The following CTNNA3 variants were observed in gnomAD, a reference collection of about 807,000 sequenced individuals.
CTNNA3 encodes the protein catenin alpha-3.
CTNNA3 carries 76 observed loss-of-function variants against 95.7 expected under a neutral mutation model. The ratio of observed to expected loss-of-function variants is 0.79; its 90% CI spans 0.66 to 0.96. The LOEUF is 0.96. Among genes scored for constraint, CTNNA3 ranks in the 40% least tolerant of loss-of-function variants. The pLI, the probability that CTNNA3 is intolerant of heterozygous loss-of-function variation, is 0.00. For missense variants in CTNNA3, 1,191 were observed against 1,089.8 expected (o/e 1.09, Z -1.31); for synonymous variants, 431 against 374.4 (o/e 1.15, Z -1.74).
At chr10:66,573,520 T>G (rs1589439141) in intron 10 of CTNNA3, among the ~76,000 whole-genome samples, 1 of 152,334 alleles carries the variant, frequency 6.6e-6, no homozygotes, top group South Asian at 2.1e-4. Flanking sequence ...CACAAAATTT[T>G]ACTGAAGTTC....
chr10:66,637,074 T>C (rs546953373), intron 9 of CTNNA3, among the ~76,000 whole-genome samples: 2 of 152,266 alleles, frequency 1.3e-5, no homozygotes, highest in East Asian at 3.9e-4. Flanking sequence ...GACTGTCATA[T>C]AAAAATGTGT....
At chr10:67,104,713 A>T (rs1858531617) in intron 7 of CTNNA3, among the ~76,000 whole-genome samples, 1 of 152,062 alleles carries the variant, frequency 6.6e-6, no homozygotes, top group African/African-American at 2.4e-5. Flanking sequence ...CCATCACAGG[A>T]TCTGAACATA....
chr10:67,193,609 G>C (rs751150846), intron 6 of CTNNA3, among the ~76,000 whole-genome samples: 2 of 151,918 alleles, frequency 1.3e-5, no homozygotes, highest in Non-Finnish European at 2.9e-5. Flanking sequence ...TTCTGTTACT[G>C]CTCCAGTTTG....
intron 15 of CTNNA3, among the ~76,000 whole-genome samples, chr10:66,018,345 TACTTA>T (rs1463766697): frequency 6.6e-6 from 1 of 152,164 alleles, no homozygotes; most frequent in Non-Finnish European, 1.5e-5. Flanking sequence ...AGCATTGTAC[TACTTA>T]ACTTGTTTTT....
At chr10:66,775,901 A>C (rs967450562) in intron 7 of CTNNA3, among the ~76,000 whole-genome samples, 2 of 152,194 alleles carry the variant, frequency 1.3e-5, no homozygotes, top group African/African-American at 4.8e-5. Flanking sequence ...GGAGTTTCTA[A>C]AGTCATTTCC....
chr10:67,242,174 A>T (rs1865739843), intron 5 of CTNNA3, among the ~76,000 whole-genome samples: 1 of 152,224 alleles, frequency 6.6e-6, no homozygotes, highest in Non-Finnish European at 1.5e-5. Context: ...CAGTTTTAGA[A>T]CAAGGCTGAT....
chr10:67,639,481 A>C (rs1564801384), intron 2 of CTNNA3, among the ~76,000 whole-genome samples: 1 of 152,226 alleles, frequency 6.6e-6, no homozygotes, highest in Non-Finnish European at 1.5e-5. Context: ...ACAGAAAAAG[A>C]GGGAATCCTC....
intron 7 of CTNNA3, among the ~76,000 whole-genome samples, chr10:66,972,093 G>A (rs1382831630): frequency 6.6e-6 from 1 of 151,930 alleles, no homozygotes; most frequent in Non-Finnish European, 1.5e-5. Context: ...TTTAAGCTTT[G>A]TTTAGTGTTG....
At chr10:67,139,613 C>G (rs566533721) in intron 7 of CTNNA3, among the ~76,000 whole-genome samples, 24 of 151,994 alleles carry the variant, frequency 1.6e-4, no homozygotes, top group Admixed American at 1.6e-3. Context: ...GGGTTTCACC[C>G]TGTTAACCTG....
chr10:67,168,762 T>G (rs149314541), intron 7 of CTNNA3, among the ~76,000 whole-genome samples: 5 of 152,152 alleles, frequency 3.3e-5, no homozygotes, highest in African/African-American at 4.8e-5. Context: ...TTCAACATCA[T>G]ATTAGAAGTC....
At chr10:66,519,643 C>T (rs936266084) in intron 11 of CTNNA3, among the ~76,000 whole-genome samples, 8 of 152,110 alleles carry the variant, frequency 5.3e-5, no homozygotes, top group African/African-American at 1.9e-4. Context: ...ACCTGGAAGC[C>T]CCCTTCCCAT....
intron 11 of CTNNA3, among the ~76,000 whole-genome samples, chr10:66,442,004 T>A (rs2093378514): frequency 6.6e-6 from 1 of 152,206 alleles, no homozygotes; most frequent in Admixed American, 6.5e-5. Flanking sequence ...ACTGAAATAG[T>A]ATGTAAAATA....
intron 2 of CTNNA3, among the ~76,000 whole-genome samples, chr10:67,614,148 A>G (rs1243369001): frequency 6.6e-6 from 1 of 151,968 alleles, no homozygotes; most frequent in Non-Finnish European, 1.5e-5. Context: ...CATTTTACAG[A>G]GTGCTGATTG....
chr10:67,262,256 T>G (rs1487571026), intron 5 of CTNNA3, among the ~76,000 whole-genome samples: 1 of 152,158 alleles, frequency 6.6e-6, no homozygotes, highest in Non-Finnish European at 1.5e-5. Flanking sequence ...ATAAGATACA[T>G]CATCCAACCT....
intron 14 of CTNNA3, among the ~76,000 whole-genome samples, chr10:66,078,731 T>C (rs769735697): frequency 1.3e-5 from 2 of 151,946 alleles, no homozygotes; most frequent in African/African-American, 4.8e-5. Context: ...TTTTCTTTGG[T>C]TCCTCGTTCC....
chr10:67,720,226 G>T (rs1166415502), intron 1 of CTNNA3, among the ~76,000 whole-genome samples: 1 of 146,018 alleles, frequency 6.8e-6, no homozygotes, highest in African/African-American at 2.6e-5. Flanking sequence ...ACGTGAAATG[G>T]GTCTCCTGAA....
intron 9 of CTNNA3, among the ~76,000 whole-genome samples, chr10:66,622,227 C>G (rs773882644): frequency 1.3e-5 from 2 of 152,090 alleles, no homozygotes; most frequent in South Asian, 2.1e-4. Flanking sequence ...ATGACTGTAT[C>G]TTTATACATT....
intron 15 of CTNNA3, among the ~76,000 whole-genome samples, chr10:66,028,662 T>C (rs113461387): frequency 1.3e-5 from 2 of 151,874 alleles, no homozygotes; most frequent in Non-Finnish European, 2.9e-5. Flanking sequence ...AGTTGATGGG[T>C]GCAGCAAACC....
At chr10:67,483,751 A>T (rs1030024085) in intron 5 of CTNNA3, among the ~76,000 whole-genome samples, 1 of 150,264 alleles carries the variant, frequency 6.7e-6, no homozygotes, top group African/African-American at 2.5e-5. Flanking sequence ...TAAAACTTAA[A>T]GTATAATAAT....
Sources: allele counts gnomAD v4.1 joint callset (sites outside exome capture counted in the v4.1 genomes callset), GRCh38; gene constraint gnomAD v4.1.1; transcripts MANE v1.5; gene names NCBI Gene and HGNC (gene_info 2026-07-23, HGNC 2026-07-21).